TMOD1: variants seen among roughly 807,000 people sequenced by gnomAD.
TMOD1 encodes the protein tropomodulin 1.
TMOD1 carries 17 observed loss-of-function variants against 40.6 expected under a neutral mutation model. The ratio of observed to expected loss-of-function variants is 0.42; its 90% confidence interval spans 0.29 to 0.63. The LOEUF (loss-of-function observed/expected upper bound fraction) is 0.63. Among genes scored for constraint, TMOD1 ranks in the 20% least tolerant of loss-of-function variants. The pLI is 0.22. For synonymous variants in TMOD1, 181 were observed against 175.0 expected (o/e 1.03, Z -0.27); for missense variants, 391 against 447.6 (o/e 0.87, Z 1.14).
intron 7 of TMOD1, among the ~76,000 whole-genome samples, chr9:97,567,831 A>G (rs1258240250): frequency 3.3e-5 from 5 of 152,126 alleles, no homozygotes; most frequent in Non-Finnish European, 7.4e-5. Flanking sequence ...CTAGCCTCTC[A>G]GCAGGTCTCA....
At chr9:97,543,252 G>T (rs1190800076) in intron 2 of TMOD1, among the ~76,000 whole-genome samples, 2 of 152,224 alleles carry the variant, frequency 1.3e-5, no homozygotes, top group Non-Finnish European at 2.9e-5. Context: ...CTTCCCTGTG[G>T]GGATCCTTAA....
intron 2 of TMOD1, among the ~76,000 whole-genome samples, chr9:97,534,572 G>C (rs1434312476): frequency 6.6e-6 from 1 of 152,208 alleles, no homozygotes; most frequent in Admixed American, 6.5e-5. Context: ...TGCAACATGG[G>C]CCTGAAGGGA....
intron 6 of TMOD1, among the ~76,000 whole-genome samples, chr9:97,564,977 C>T (rs886946722): frequency 1.3e-5 from 2 of 152,222 alleles, no homozygotes; most frequent in Non-Finnish European, 2.9e-5. Flanking sequence ...AAACCTGCAC[C>T]CTAGTGTTCA....
intron 1 of TMOD1, among the ~76,000 whole-genome samples, chr9:97,517,552 G>A (rs928247485): frequency 1.3e-5 from 2 of 152,140 alleles, no homozygotes. Context: ...GGACTCCAGG[G>A]GGAGGTACCC....
Position 97,522,982 on chromosome 9 carries a change from C to A in TMOD1, c.-48-1159C>A, listed in dbSNP as rs184260570. ...GGTCCTGCTGTCCCTCCTAGCTCAG[C>A]GGAGGCAGTGTGGTGGAGTAGAGAG... is the stretch of plus-strand genomic sequence containing the variant. On this transcript the variant is annotated intron_variant, in intron 1 of 9. Coordinates refer to ENST00000259365, the MANE Select transcript of TMOD1 (RefSeq NM_003275.4). Among the ~76,000 whole-genome samples, 7 of 152,256 alleles carry A rather than the reference C, an allele frequency of 4.6e-5. No homozygotes were observed. In the East Asian group the frequency reaches 1.3e-3, roughly 29 times the overall value.
intron 3 of TMOD1, among the ~76,000 whole-genome samples, chr9:97,546,804 C>G (rs1338232053): frequency 2.0e-5 from 3 of 151,890 alleles, no homozygotes; most frequent in Non-Finnish European, 4.4e-5. Flanking sequence ...TGGCACGAGC[C>G]TGTAGTCCCA....
At chr9:97,527,623 AGG>A (rs1198683049) in intron 2 of TMOD1, among the ~76,000 whole-genome samples, 3 of 152,062 alleles carry the variant, frequency 2.0e-5, no homozygotes, top group Admixed American at 6.5e-5. Context: ...GACTAGAAAG[AGG>A]GGTTGGGATA....
intron 2 of TMOD1, among the ~76,000 whole-genome samples, chr9:97,531,741 C>T (rs562402997): frequency 3.9e-5 from 6 of 152,266 alleles, no homozygotes; most frequent in South Asian, 2.1e-4. Flanking sequence ...CATCTACATA[C>T]GCGGTACCGG....
intron 4 of TMOD1, 123 bp downstream of exon 4, chr9:97,553,523 A>C: frequency 7.4e-7 from 1 of 1,349,434 alleles, no homozygotes; most frequent in Non-Finnish European, 1.0e-6. Flanking sequence ...ACTAGAGGAG[A>C]CCGAGAGTGT....
chr9:97,522,104 G>C (rs1317863437), intron 1 of TMOD1, among the ~76,000 whole-genome samples: 1 of 152,168 alleles, frequency 6.6e-6, no homozygotes, highest in African/African-American at 2.4e-5. Flanking sequence ...GGTCATATCT[G>C]TTACATAAGT....
At chr9:97,586,672 G>T (rs1825879478) in intron 8 of TMOD1, among the ~76,000 whole-genome samples, 3 of 152,214 alleles carry the variant, frequency 2.0e-5, no homozygotes, top group Admixed American at 1.3e-4. Flanking sequence ...GTGGGCGTAG[G>T]ACCCTCCGAG....
At position 97,600,623 on chromosome 9, in the gene TMOD1, T is replaced by TA. The variant is rs1826235476; in HGVS notation, c.*926dup. 3 of 987,824 alleles carry TA rather than the reference T, an allele frequency of 3.0e-6. No individual in the cohort carries two copies. The highest frequency in any genetic ancestry group is 3.6e-6 in the Non-Finnish European group (3 of 831,574). The allele number at this position is 987,824 out of a possible 1,614,324, so 61.2% of individuals were successfully genotyped here. ...TATGGTATTTAGTAATGGCCCAGCT[T>TA]AGAGACTTCAGCTACTGATCTCATC... is the stretch of plus-strand genomic sequence containing the variant. On this transcript the variant is annotated 3_prime_UTR_variant, in exon 10 of 10. Transcript: ENST00000259365.
chr9:97,600,830 C>T lies in TMOD1; in HGVS notation c.*1132C>T, dbSNP rs1054622988. 6.5e-6 allele frequency: 7 copies of T among 1,074,528 alleles called. No homozygotes were observed. The highest frequency in any genetic ancestry group is 4.4e-4 in the Middle Eastern group (1 of 2,276). The allele number at this position is 1,074,528 out of a possible 1,614,324, so 66.6% of individuals were successfully genotyped here. ...CCAGATCTCTTTTTAACATCATGTG[C>T]GTCTCTTGGGATCCAGCAAAAGTGT... is the stretch of plus-strand genomic sequence containing the variant. On this transcript the variant is annotated 3_prime_UTR_variant, in exon 10 of 10. Coordinates refer to ENST00000259365, the MANE Select transcript of TMOD1 (RefSeq NM_003275.4).
intron 4 of TMOD1, among the ~76,000 whole-genome samples, chr9:97,560,746 C>T (rs1830627074): frequency 6.6e-6 from 1 of 150,942 alleles, no homozygotes; most frequent in Admixed American, 6.6e-5. Flanking sequence ...CTCCTGTAAT[C>T]CCAGCTACTC....
chr9:97,550,672 T>C (rs531247912), intron 3 of TMOD1, among the ~76,000 whole-genome samples: 1 of 152,330 alleles, frequency 6.6e-6, no homozygotes, highest in Non-Finnish European at 1.5e-5. Context: ...TATATCCTCT[T>C]TGGAGAAATG....
intron 3 of TMOD1, among the ~76,000 whole-genome samples, chr9:97,550,503 G>A (rs1016986855): frequency 1.3e-5 from 2 of 151,850 alleles, no homozygotes; most frequent in African/African-American, 4.8e-5. Flanking sequence ...AATGTACGAG[G>A]GCTCCAATTT....
At chr9:97,587,727 C>T (rs1403261051) in intron 8 of TMOD1, among the ~76,000 whole-genome samples, 1 of 152,160 alleles carries the variant, frequency 6.6e-6, no homozygotes, top group Non-Finnish European at 1.5e-5. Flanking sequence ...AAAAGAAACT[C>T]TGTACCCATT....
intron 8 of TMOD1, among the ~76,000 whole-genome samples, chr9:97,573,816 C>A (rs1455613733): frequency 1.3e-5 from 2 of 152,170 alleles, no homozygotes; most frequent in African/African-American, 4.8e-5. Context: ...CCTCAGATGC[C>A]TTTTATGACC....
intron 8 of TMOD1, among the ~76,000 whole-genome samples, chr9:97,580,163 G>T (rs914632206): frequency 2.0e-5 from 3 of 152,302 alleles, no homozygotes; most frequent in Admixed American, 1.3e-4. Context: ...CAGGGCCTGG[G>T]ACACAGTAAA....
Sources: gnomAD v4.1 joint callset for allele counts (sites outside exome capture counted in the v4.1 genomes callset) on GRCh38, gnomAD v4.1.1 for gene constraint, MANE v1.5 for transcripts, NCBI Gene and HGNC (gene_info 2026-07-23, HGNC 2026-07-21) for gene names.